The following PLXDC2 variants were observed in gnomAD, a reference collection of about 807,000 sequenced individuals.
PLXDC2 encodes the protein plexin domain containing 2.
Under a neutral mutation model 68.9 loss-of-function variants are expected in PLXDC2, and 40 were observed. The observed-to-expected ratio is 0.58, with a 90% confidence interval of 0.45 to 0.76. PLXDC2 has a LOEUF of 0.76. Among genes scored for constraint, PLXDC2 ranks in the 30% least tolerant of loss-of-function variants. The probability of loss-of-function intolerance (pLI) is 0.00; values close to 1 mark genes in which losing one functional copy is unlikely to be tolerated. For synonymous variants in PLXDC2, 243 were observed against 234.2 expected, an observed-to-expected ratio of 1.04 and a Z score of -0.34; for missense variants, 644 against 661.9, an observed-to-expected ratio of 0.97 and a Z score of 0.30.
intron 1 of PLXDC2, among the ~76,000 whole-genome samples, chr10:19,867,740 C>A (rs1837449024): frequency 6.6e-6 from 1 of 152,028 alleles, no homozygotes; most frequent in South Asian, 2.1e-4. Flanking sequence ...CTTCAAATTC[C>A]TCTCTCACTC....
chr10:20,039,434 A>G (rs1488270664), intron 2 of PLXDC2, among the ~76,000 whole-genome samples: 1 of 152,214 alleles, frequency 6.6e-6, no homozygotes, highest in African/African-American at 2.4e-5. Flanking sequence ...ATTCGAAAGA[A>G]AAGGTAATGG....
chr10:19,952,672 C>T (rs1453408603), intron 1 of PLXDC2, among the ~76,000 whole-genome samples: 2 of 152,068 alleles, frequency 1.3e-5, no homozygotes, highest in African/African-American at 2.4e-5. Flanking sequence ...AAAATGATTG[C>T]TTGGGTAAAG....
At chr10:20,208,873 C>T (rs1001794906) in intron 9 of PLXDC2, among the ~76,000 whole-genome samples, 9 of 151,902 alleles carry the variant, frequency 5.9e-5, no homozygotes, top group South Asian at 2.1e-4. Flanking sequence ...CATCACATGT[C>T]GGCAGGTTGC....
intron 1 of PLXDC2, among the ~76,000 whole-genome samples, chr10:19,831,911 A>G (rs1836700461): frequency 6.6e-6 from 1 of 152,142 alleles, no homozygotes; most frequent in Non-Finnish European, 1.5e-5. Context: ...TCTTTATGGT[A>G]GAATGATTTA....
chr10:19,872,664 A>G (rs1048432980), intron 1 of PLXDC2, among the ~76,000 whole-genome samples: 14 of 152,194 alleles, frequency 9.2e-5, no homozygotes, highest in African/African-American at 3.1e-4. Context: ...CTGTGGAGTT[A>G]AGAAACCGGG....
chr10:19,947,707 C>CTTTTTTTTTTTTTTTTTT (rs34439585), intron 1 of PLXDC2, among the ~76,000 whole-genome samples: 1 of 120,974 alleles, frequency 8.3e-6, no homozygotes, highest in African/African-American at 3.0e-5. Context: ...TTCTTTCTTT[C>CTTTTTTTTTTTTTTTTTT]TTTTTTTTTT....
intron 1 of PLXDC2, among the ~76,000 whole-genome samples, chr10:19,988,613 G>A (rs1368628823): frequency 6.6e-6 from 1 of 151,840 alleles, no homozygotes; most frequent in Non-Finnish European, 1.5e-5. Context: ...GTATGGTTTA[G>A]CAAAGATAAA....
intron 9 of PLXDC2, among the ~76,000 whole-genome samples, chr10:20,199,884 A>G (rs1157166494): frequency 2.0e-5 from 3 of 151,910 alleles, no homozygotes; most frequent in African/African-American, 7.3e-5. Context: ...AATGTTAGTC[A>G]TCTATTTGGG....
At chr10:20,067,619 C>A (rs1836234619) in intron 3 of PLXDC2, among the ~76,000 whole-genome samples, 1 of 149,326 alleles carries the variant, frequency 6.7e-6, no homozygotes, top group Non-Finnish European at 1.5e-5. Context: ...CCCAGGTGGG[C>A]AGAGGTTTCA....
At chr10:20,171,132 C>G (rs1219559106) in intron 7 of PLXDC2, among the ~76,000 whole-genome samples, 1 of 152,044 alleles carries the variant, frequency 6.6e-6, no homozygotes, top group Non-Finnish European at 1.5e-5. Context: ...GTGGTCAAAA[C>G]TTACGAAAAA....
chr10:20,132,092 C>A (rs1833875230), intron 4 of PLXDC2, among the ~76,000 whole-genome samples: 1 of 152,098 alleles, frequency 6.6e-6, no homozygotes, highest in Admixed American at 6.5e-5. Context: ...CTATTGATTT[C>A]TTCTTTGACT....
chr10:20,129,325 G>T (rs1833833512), intron 4 of PLXDC2, among the ~76,000 whole-genome samples: 1 of 152,006 alleles, frequency 6.6e-6, no homozygotes, highest in Admixed American at 6.6e-5. Context: ...TAATTGGGTT[G>T]CTTTCTTGCT....
At chr10:20,182,656 T>A (rs545781788) in intron 9 of PLXDC2, among the ~76,000 whole-genome samples, 1 of 152,006 alleles carries the variant, frequency 6.6e-6, no homozygotes, top group East Asian at 1.9e-4. Context: ...TGGTTTTCTA[T>A]AGTGGTTGGC....
At chr10:20,097,328 G>A (rs12354472) in intron 4 of PLXDC2, among the ~76,000 whole-genome samples, 29 of 152,170 alleles carry the variant, frequency 1.9e-4, no homozygotes, top group African/African-American at 4.8e-4. Context: ...AGCCCATGTC[G>A]TGTTGCGTTC....
chr10:19,841,860 G>A (rs1005097378), intron 1 of PLXDC2, among the ~76,000 whole-genome samples: 1 of 151,904 alleles, frequency 6.6e-6, no homozygotes, highest in Non-Finnish European at 1.5e-5. Context: ...AAACATAGTA[G>A]TATATACGTA....
intron 9 of PLXDC2, among the ~76,000 whole-genome samples, chr10:20,182,069 ATTTGTG>A (rs1834612512): frequency 2.5e-5 from 2 of 80,524 alleles, no homozygotes; most frequent in African/African-American, 1.6e-4. Context: ...GAAACCGGTT[ATTTGTG>A]TGTGTGTGTG....
At chr10:19,829,719 C>T (rs1003529942) in intron 1 of PLXDC2, among the ~76,000 whole-genome samples, 4 of 151,818 alleles carry the variant, frequency 2.6e-5, no homozygotes, top group African/African-American at 9.7e-5. Context: ...CAGAGTGAGA[C>T]TCCATATCAA....
intron 1 of PLXDC2, among the ~76,000 whole-genome samples, chr10:19,846,250 G>T: frequency 6.6e-6 from 1 of 152,128 alleles, no homozygotes; most frequent in South Asian, 2.1e-4. Context: ...GCTGTTTTTA[G>T]GGGAGGAGAA....
rs868632473 is a variant in PLXDC2, at chr10:19,863,149, A to T, written c.112+45958A>T. 4.0e-4 allele frequency among the ~76,000 whole-genome samples: 61 copies of T among 152,260 alleles called. 1 individual carries two copies. Among genetic ancestry groups the T allele is most frequent in the African/African-American group, 1.4e-3 (57 of 41,560 alleles). On this transcript the variant is annotated intron_variant, in intron 1 of 13. Coordinates refer to ENST00000377252, the MANE Select transcript of PLXDC2 (RefSeq NM_032812.9). ...TCTTCATGTCATATTTCAATTTTTA[A>T]TGGCATCGGAGAAACTAAGGATGTG...
Sources: allele counts gnomAD v4.1 joint callset (sites outside exome capture counted in the v4.1 genomes callset), GRCh38; gene constraint gnomAD v4.1.1; transcripts MANE v1.5; gene names NCBI Gene and HGNC (gene_info 2026-07-23, HGNC 2026-07-21).